The following NPAS3 variants were observed in gnomAD, a reference collection of about 807,000 sequenced individuals.
The protein encoded by NPAS3 is neuronal PAS domain-containing protein 3.
In NPAS3, 14 loss-of-function variants were observed where a neutral mutation model predicts 73.1. That is an observed-to-expected ratio of 0.19 (90% CI 0.13 to 0.30). NPAS3 has a LOEUF of 0.30. Ranked by LOEUF, NPAS3 falls within the 10% of genes least tolerant of loss-of-function variation. The pLI is 1.00. For synonymous variants in NPAS3, 620 were observed against 541.5 expected, an observed-to-expected ratio of 1.14 and a Z score of -2.01; for missense variants, 1,096 against 1,250.0, an observed-to-expected ratio of 0.88 and a Z score of 1.86.
At chr14:33,757,094 G>T (rs529972918) in intron 7 of NPAS3, among the ~76,000 whole-genome samples, 1 of 152,208 alleles carries the variant, frequency 6.6e-6, no homozygotes, top group South Asian at 2.1e-4. Context: ...GCTGGACAAA[G>T]CATCTGGAGT....
At chr14:33,612,541 A>G in intron 5 of NPAS3, 1 of 455,882 alleles carries the variant, frequency 2.2e-6, no homozygotes. Context: ...CTCTGGCTTT[A>G]AAAGATATTA....
At chr14:33,129,064 A>G (rs987858232) in intron 2 of NPAS3, among the ~76,000 whole-genome samples, 1 of 152,054 alleles carries the variant, frequency 6.6e-6, no homozygotes, top group Non-Finnish European at 1.5e-5. Context: ...GCCCCACAGC[A>G]GAAACCAGGG....
chr14:33,331,518 C>A (rs2043983900), intron 3 of NPAS3, among the ~76,000 whole-genome samples: 1 of 151,776 alleles, frequency 6.6e-6, no homozygotes, highest in African/African-American at 2.4e-5. Flanking sequence ...CTTTTGAGGG[C>A]TTTTTTTTCC....
chr14:33,617,097 A>G (rs2057943006), intron 5 of NPAS3, among the ~76,000 whole-genome samples: 1 of 152,210 alleles, frequency 6.6e-6, no homozygotes, highest in Admixed American at 6.5e-5. Flanking sequence ...CTAAGCTCAA[A>G]TACTAGTCCA....
At chr14:33,322,155 A>C (rs746244286) in intron 3 of NPAS3, among the ~76,000 whole-genome samples, 18 of 152,190 alleles carry the variant, frequency 1.2e-4, no homozygotes, top group Non-Finnish European at 2.5e-4. Context: ...CTAAAGGTTT[A>C]TTGATCAAAT....
intron 3 of NPAS3, among the ~76,000 whole-genome samples, chr14:33,318,690 G>A (rs918946545): frequency 6.6e-6 from 1 of 152,004 alleles, no homozygotes; most frequent in Non-Finnish European, 1.5e-5. Context: ...TTATACTTCT[G>A]AAATTTTTAA....
At chr14:33,428,037 A>G (rs1002593124) in intron 4 of NPAS3, among the ~76,000 whole-genome samples, 1 of 152,134 alleles carries the variant, frequency 6.6e-6, no homozygotes, top group African/African-American at 2.4e-5. Flanking sequence ...ATTTCGTTGA[A>G]TATAAGATGA....
At chr14:33,005,178 A>C (rs889791022) in intron 1 of NPAS3, among the ~76,000 whole-genome samples, 1 of 152,180 alleles carries the variant, frequency 6.6e-6, no homozygotes, top group Non-Finnish European at 1.5e-5. Flanking sequence ...TGTACTATGC[A>C]TATATCAAAT....
intron 2 of NPAS3, among the ~76,000 whole-genome samples, chr14:33,183,679 T>A (rs2045885206): frequency 6.6e-6 from 1 of 152,054 alleles, no homozygotes; most frequent in Non-Finnish European, 1.5e-5. Context: ...GTAGTCTTCA[T>A]GGAATTCAGA....
intron 3 of NPAS3, among the ~76,000 whole-genome samples, chr14:33,320,533 G>C (rs1433207529): frequency 6.6e-6 from 1 of 152,130 alleles, no homozygotes; most frequent in Non-Finnish European, 1.5e-5. Flanking sequence ...CTCTTGTTCA[G>C]GTCGTGAGCA....
intron 3 of NPAS3, among the ~76,000 whole-genome samples, chr14:33,293,608 G>A (rs1594619401): frequency 1.3e-5 from 2 of 152,290 alleles, no homozygotes; most frequent in Admixed American, 1.3e-4. Flanking sequence ...ACAACGCTGA[G>A]TAATAGATGT....
At chr14:33,207,543 T>G (rs937872844) in intron 2 of NPAS3, among the ~76,000 whole-genome samples, 1 of 152,180 alleles carries the variant, frequency 6.6e-6, no homozygotes, top group African/African-American at 2.4e-5. Context: ...AGAATTCTTT[T>G]TAATGTATAA....
At chr14:33,199,185 C>T (rs978166082) in intron 2 of NPAS3, among the ~76,000 whole-genome samples, 3 of 152,098 alleles carry the variant, frequency 2.0e-5, no homozygotes, top group African/African-American at 4.8e-5. Flanking sequence ...GAGAGGGGTT[C>T]CCACAGTGCA....
At chr14:33,009,521 T>C (rs570458215) in intron 1 of NPAS3, among the ~76,000 whole-genome samples, 1 of 152,150 alleles carries the variant, frequency 6.6e-6, no homozygotes, top group African/African-American at 2.4e-5. Context: ...GTAGTAATGA[T>C]GACGGTGGCA....
chr14:33,730,982 C>T (rs921733026), intron 6 of NPAS3, among the ~76,000 whole-genome samples: 4 of 152,188 alleles, frequency 2.6e-5, no homozygotes, highest in African/African-American at 9.6e-5. Flanking sequence ...ATGGCAACTC[C>T]ACTTCTCCTT....
intron 5 of NPAS3, among the ~76,000 whole-genome samples, chr14:33,589,574 C>G (rs1443470765): frequency 6.6e-6 from 1 of 152,146 alleles, no homozygotes; most frequent in Non-Finnish European, 1.5e-5. Flanking sequence ...GACCTTGAGT[C>G]AAAGCATTGC....
rs552183008 is a variant in NPAS3, at chr14:32,964,811, A to G, written c.50+25445A>G. 3.2e-3 allele frequency among the ~76,000 whole-genome samples: 403 copies of G among 124,892 alleles called. 3 individuals carry two copies. The highest frequency in any genetic ancestry group is 0.023 in the Middle Eastern group (6 of 266). 81.9% of individuals were successfully genotyped at this position (124,892 alleles called of 152,430 possible). Reference sequence around the variant, plus strand: ...GCAACATAGCAAGACCCCTGTCTCTACAAAAAAAAAAAAGAAGAAGATTAG... The same window carrying G: ...GCAACATAGCAAGACCCCTGTCTCTGCAAAAAAAAAAAAGAAGAAGATTAG... On this transcript the variant is annotated intron_variant, in intron 1 of 11. Coordinates refer to ENST00000356141, the Ensembl canonical transcript of NPAS3.
At chr14:33,721,713 G>C (rs188265862) in intron 6 of NPAS3, among the ~76,000 whole-genome samples, 1 of 152,096 alleles carries the variant, frequency 6.6e-6, no homozygotes. Context: ...TAACTGAAAC[G>C]ATTAAGAAGG....
intron 5 of NPAS3, among the ~76,000 whole-genome samples, chr14:33,579,338 A>G (rs1191318737): frequency 6.6e-6 from 1 of 152,250 alleles, no homozygotes; most frequent in African/African-American, 2.4e-5. Context: ...ATAAACCTTT[A>G]CAGCTAGAGA....
Sources: allele counts gnomAD v4.1 joint callset (sites outside exome capture counted in the v4.1 genomes callset), GRCh38; gene constraint gnomAD v4.1.1; transcripts MANE v1.5; gene names NCBI Gene and HGNC (gene_info 2026-07-23, HGNC 2026-07-21).